Variants in MCCC1 observed in about 807,000 individuals in gnomAD.
MCCC1 encodes methylcrotonoyl-CoA carboxylase subunit alpha, mitochondrial.
In MCCC1, 64 loss-of-function variants were observed where a neutral mutation model predicts 83.8. The observed-to-expected ratio is 0.76, with a 90% CI of 0.62 to 0.94. The LOEUF (loss-of-function observed/expected upper bound fraction) is 0.94, where lower values mean the gene tolerates loss of function less well. Among genes scored for constraint, MCCC1 ranks in the 40% least tolerant of loss-of-function variants. The pLI is 0.00. For synonymous variants in MCCC1, 322 were observed against 315.4 expected (o/e 1.02, Z -0.22); for missense variants, 807 against 904.7 (o/e 0.89, Z 1.39).
At chr3:183,045,323 A>ACT in intron 10 of MCCC1, 90 bp downstream of exon 10, 1 of 1,498,922 alleles carries the variant, frequency 6.7e-7, no homozygotes. Context: ...CAGGTGATCC[A>ACT]CCTGCCTTGG....
intron 1 of MCCC1, among the ~76,000 whole-genome samples, chr3:183,106,473 T>C (rs1220793870): frequency 7.0e-6 from 1 of 142,012 alleles, no homozygotes; most frequent in Non-Finnish European, 1.6e-5. Flanking sequence ...CCCAAATGTT[T>C]CTTTGTTCTT....
Position 183,037,247 on chromosome 3 carries a change from A to G in MCCC1, c.1565T>C (p.Met522Thr), listed in dbSNP as rs768011454. ...ALGLILKEKA[M>T]TDTFTLQAHD... ...TGCCTGAAGAGTGAAAGTGTCGGTCATGGCTTTCTCCTTGAGGATGAGACC... is the reference window on the plus strand; with the variant it reads ...TGCCTGAAGAGTGAAAGTGTCGGTCGTGGCTTTCTCCTTGAGGATGAGACC... The change falls in exon 13 of 19, where the codon ATG (methionine) becomes ACG (threonine). Residue 522 changes from methionine (M) to threonine (T), a missense_variant. Physicochemically the swap from Met to Thr is moderately conservative, Grantham distance 81. Transcript: ENST00000265594. 69 of 1,613,822 alleles carry G rather than the reference A, an allele frequency of 4.3e-5. No individual in the cohort carries two copies. Among genetic ancestry groups the G allele is most frequent in the Non-Finnish European group, 5.5e-5 (65 of 1,180,032 alleles).
At chr3:183,110,275 T>TTTG (rs1336242173) in intron 1 of MCCC1, among the ~76,000 whole-genome samples, 5 of 152,232 alleles carry the variant, frequency 3.3e-5, no homozygotes, top group Non-Finnish European at 5.9e-5. Flanking sequence ...GATGTTTGGT[T>TTTG]TTGTTGCCAT....
At chr3:183,044,231 A>T (rs920694856) in intron 10 of MCCC1, among the ~76,000 whole-genome samples, 17 of 152,230 alleles carry the variant, frequency 1.1e-4, no homozygotes, top group African/African-American at 3.1e-4. Context: ...ATATTACTTA[A>T]CAGATTTTTT....
At chr3:183,025,036 A>G (rs917049874) in intron 15 of MCCC1, among the ~76,000 whole-genome samples, 31 of 152,214 alleles carry the variant, frequency 2.0e-4, no homozygotes, top group African/African-American at 6.3e-4. Flanking sequence ...CAAGTGAAAT[A>G]AGCCAATTAC....
chr3:183,114,029 T>G (rs1719547869), intron 1 of MCCC1, among the ~76,000 whole-genome samples: 1 of 152,174 alleles, frequency 6.6e-6, no homozygotes, highest in Non-Finnish European at 1.5e-5. Flanking sequence ...ATCTTGGCTC[T>G]TTCACTGGCA....
chr3:183,111,492 G>A (rs1192935366), intron 1 of MCCC1, among the ~76,000 whole-genome samples: 1 of 152,186 alleles, frequency 6.6e-6, no homozygotes, highest in Non-Finnish European at 1.5e-5. Flanking sequence ...TAGACATGGG[G>A]TTTTGCCATG....
chr3:183,038,979 G>T (rs1713843308), intron 12 of MCCC1, 47 bp downstream of exon 12: 2 of 1,530,348 alleles, frequency 1.3e-6, no homozygotes, highest in African/African-American at 2.7e-5. Flanking sequence ...GACCTCTGGT[G>T]CTGACCAAAC....
At chr3:183,038,224 T>G (rs890155443) in intron 12 of MCCC1, among the ~76,000 whole-genome samples, 3 of 152,086 alleles carry the variant, frequency 2.0e-5, no homozygotes, top group South Asian at 2.1e-4. Flanking sequence ...ATGAAGAAAA[T>G]GAAGGCTGGC....
intron 1 of MCCC1, among the ~76,000 whole-genome samples, chr3:183,110,147 C>G (rs1719470056): frequency 6.6e-6 from 1 of 152,098 alleles, no homozygotes; most frequent in African/African-American, 2.4e-5. Flanking sequence ...GGGTATTAGA[C>G]CTTTGTCAGA....
chr3:183,084,984 A>G (rs1483776071), intron 4 of MCCC1, among the ~76,000 whole-genome samples: 1 of 152,228 alleles, frequency 6.6e-6, no homozygotes, highest in Non-Finnish European at 1.5e-5. Flanking sequence ...GTCAGATATG[A>G]GTTCTTCCCT....
chr3:183,030,781 C>T (rs1713000083), intron 14 of MCCC1, among the ~76,000 whole-genome samples: 1 of 152,180 alleles, frequency 6.6e-6, no homozygotes, highest in African/African-American at 2.4e-5. Flanking sequence ...CTCTTCTCCA[C>T]ATCACTTGGC....
intron 4 of MCCC1, among the ~76,000 whole-genome samples, chr3:183,079,400 G>A (rs1717323381): frequency 2.0e-5 from 3 of 152,294 alleles, no homozygotes; most frequent in African/African-American, 7.2e-5. Flanking sequence ...CAGGCTCCAT[G>A]CAAGTCTGAA....
At position 183,035,964 on chromosome 3, in the gene MCCC1, T is replaced by C. The variant is rs1465866706; in HGVS notation, c.1594+1254A>G. ...TTACATTAGGTATATCTCCTAATGC[T>C]ATCCCTCCCCCCTCCCCCCACCCCA... On this transcript the variant is annotated intron_variant, in intron 13 of 18. Coordinates refer to ENST00000265594, the MANE Select transcript of MCCC1 (RefSeq NM_020166.5). 8.7e-5 allele frequency among the ~76,000 whole-genome samples: 13 copies of C among 150,082 alleles called. 1 individual carries two copies. The highest frequency in any genetic ancestry group is 3.2e-4 in the African/African-American group (13 of 40,730).
upstream of MCCC1, among the ~76,000 whole-genome samples, chr3:183,102,191 C>A (rs938603896): frequency 6.6e-6 from 1 of 151,974 alleles, no homozygotes; most frequent in African/African-American, 2.4e-5. Context: ...TAGTGAGACC[C>A]GCATCTGCAC....
At chr3:183,076,500 C>T (rs1174093990) in intron 4 of MCCC1, among the ~76,000 whole-genome samples, 1 of 152,156 alleles carries the variant, frequency 6.6e-6, no homozygotes, top group Admixed American at 6.5e-5. Context: ...TCTGTGTGAA[C>T]ATATTTTTCA....
At chr3:183,113,336 C>A (rs1719532078) in intron 1 of MCCC1, among the ~76,000 whole-genome samples, 1 of 143,204 alleles carries the variant, frequency 7.0e-6, no homozygotes, top group African/African-American at 2.6e-5. Flanking sequence ...CCAAACACCG[C>A]TGTTCTCACT....
intron 7 of MCCC1, among the ~76,000 whole-genome samples, chr3:183,060,725 TC>T (rs1192474970): frequency 6.6e-6 from 1 of 152,092 alleles, no homozygotes; most frequent in Non-Finnish European, 1.5e-5. Flanking sequence ...CCTTCCCCGC[TC>T]CCCCAACCCC....
chr3:183,067,260 G>A (rs774171871), intron 7 of MCCC1, among the ~76,000 whole-genome samples: 5 of 152,166 alleles, frequency 3.3e-5, no homozygotes, highest in African/African-American at 7.2e-5. Context: ...CCAAGTTATC[G>A]TGAGACCTCA....
Sources: allele counts gnomAD v4.1 joint callset (sites outside exome capture counted in the v4.1 genomes callset), GRCh38; gene constraint gnomAD v4.1.1; transcripts MANE v1.5; gene names NCBI Gene and HGNC (gene_info 2026-07-23, HGNC 2026-07-21).